The following FGF14 variants were observed in gnomAD, a reference collection of about 807,000 sequenced individuals.
FGF14 encodes fibroblast growth factor homologous factor 4.
A neutral mutation model predicts 25.5 loss-of-function variants in FGF14; 5 were observed. The ratio of observed to expected loss-of-function variants is 0.20; its 90% CI spans 0.10 to 0.41. The LOEUF (loss-of-function observed/expected upper bound fraction) is 0.41, where lower values mean the gene tolerates loss of function less well. Among genes scored for constraint, FGF14 ranks in the 10% least tolerant of loss-of-function variants. The probability of loss-of-function intolerance (pLI) is 1.00; values close to 1 mark genes in which losing one functional copy is unlikely to be tolerated. For missense variants in FGF14, 222 were observed against 320.1 expected (o/e 0.69, Z 2.34); for synonymous variants, 138 against 118.3 (o/e 1.17, Z -1.08).
At chr13:101,962,940 G>A (rs1156857834) in intron 1 of FGF14, among the ~76,000 whole-genome samples, 1 of 152,212 alleles carries the variant, frequency 6.6e-6, no homozygotes, top group Admixed American at 6.5e-5. Flanking sequence ...GGAATTGAGT[G>A]TTAACTGTTA....
intron 3 of FGF14, among the ~76,000 whole-genome samples, chr13:101,860,843 A>G (rs1353873486): frequency 1.3e-5 from 2 of 152,102 alleles, no homozygotes; most frequent in South Asian, 2.1e-4. Context: ...AATCATTTCA[A>G]TAAGTCTTAT....
At chr13:101,778,844 T>C (rs1446887573) in intron 3 of FGF14, 1 of 142,420 alleles carries the variant, frequency 7.0e-6, no homozygotes, top group Non-Finnish European at 1.5e-5. Context: ...CTGAAGCCAA[T>C]TGTTTTTGTT....
In FGF14 at chr13:101,712,317, CT is replaced by C. The variant is rs1013695939; in HGVS notation, c.*10513del. On this transcript the variant is annotated 3_prime_UTR_variant, in exon 5 of 5. Coordinates refer to ENST00000376143, the MANE Select transcript of FGF14 (RefSeq NM_004115.4). ...TTTTTTATTCTAAGTATTTCAGCGA[CT>C]AGTAGACTTTCAGAACTGGAATTTA... 2.6e-5 allele frequency: 4 copies of C among 152,146 alleles called. No homozygotes were observed. Among genetic ancestry groups the C allele is most frequent in the African/African-American group, 9.7e-5 (4 of 41,448 alleles). The allele number at this position is 152,146 out of a possible 1,614,324, so 9.4% of individuals were successfully genotyped here.
intron 1 of FGF14, among the ~76,000 whole-genome samples, chr13:101,970,154 G>A (rs2037505214): frequency 1.3e-5 from 2 of 152,210 alleles, no homozygotes; most frequent in Admixed American, 6.5e-5. Context: ...GAGGCTCAGA[G>A]AGGCTGAATA....
rs1009690736 is a variant in FGF14 at position 101,737,262 on chromosome 13, C to T, written c.409-10452G>A. 4.6e-5 allele frequency among the ~76,000 whole-genome samples: 7 copies of T among 151,768 alleles called. No individual in the cohort carries two copies. The East Asian group carries it at 1.4e-3, about 30-fold the overall frequency. ...TTAGTAATAACGGTTTTAATGGTGG[C>T]GATTATCATGGGAGTGGAGGTGAAG... On this transcript the variant is annotated intron_variant, in intron 3 of 4. Transcript: ENST00000376143.
chr13:101,837,952 G>C (rs772044917), intron 3 of FGF14, among the ~76,000 whole-genome samples: 1 of 151,890 alleles, frequency 6.6e-6, no homozygotes, highest in South Asian at 2.1e-4. Context: ...GCAGAAGAAC[G>C]TGGAGAGACT....
chr13:102,117,927 T>G (rs1272084657), intron 1 of FGF14, among the ~76,000 whole-genome samples: 1 of 152,130 alleles, frequency 6.6e-6, no homozygotes, highest in Non-Finnish European at 1.5e-5. Flanking sequence ...GGGAAAGAAA[T>G]AATTTTTTGT....
rs142014766 is a variant in FGF14 at position 102,156,036 on chromosome 13, G to C, written c.208+245435C>G. Among the ~76,000 whole-genome samples, 1,404 of 152,116 alleles carry C rather than the reference G, an allele frequency of 9.2e-3. 19 individuals carry two copies. Among genetic ancestry groups the C allele is most frequent in the African/African-American group, 0.032 (1,325 of 41,500 alleles). On this transcript the variant is annotated intron_variant, in intron 1 of 4. Transcript: ENST00000376131. ...TAATTAATAGCTTACCAATCAAAAA[G>C]AGTCCAGGACCAGATGGATTCACAG...
chr13:102,010,669 A>G (rs2040031672), intron 1 of FGF14, among the ~76,000 whole-genome samples: 1 of 152,190 alleles, frequency 6.6e-6, no homozygotes, highest in Non-Finnish European at 1.5e-5. Flanking sequence ...CTTACCGGCT[A>G]CAATACTGGG....
chr13:101,843,694 A>C (rs2043304802), intron 3 of FGF14, among the ~76,000 whole-genome samples: 1 of 152,038 alleles, frequency 6.6e-6, no homozygotes, highest in Non-Finnish European at 1.5e-5. Context: ...TAATAACTAC[A>C]TCTGCTTCAG....
chr13:102,099,188 T>C (rs1238503821), intron 1 of FGF14, among the ~76,000 whole-genome samples: 1 of 152,102 alleles, frequency 6.6e-6, no homozygotes, highest in Admixed American at 6.6e-5. Flanking sequence ...CTAAAAGTCA[T>C]AGTTTTTCAG....
chr13:102,198,533 G>GA (rs976443984), intron 1 of FGF14, among the ~76,000 whole-genome samples: 1 of 152,162 alleles, frequency 6.6e-6, no homozygotes, highest in Non-Finnish European at 1.5e-5. Context: ...GACTGAATTG[G>GA]AAAATGCAGC....
At chr13:101,892,863 G>A (rs1007931938) in intron 1 of FGF14, among the ~76,000 whole-genome samples, 10 of 152,144 alleles carry the variant, frequency 6.6e-5, no homozygotes, top group African/African-American at 2.4e-4. Flanking sequence ...CACGGAATGA[G>A]GATGGAAAAG....
chr13:101,929,220 G>A (rs942740714), intron 1 of FGF14, among the ~76,000 whole-genome samples: 7 of 152,260 alleles, frequency 4.6e-5, no homozygotes, highest in African/African-American at 1.7e-4. Context: ...CAAGAACAGT[G>A]GAAAGAGTCA....
At chr13:102,118,737 A>G (rs1456933650) in intron 1 of FGF14, among the ~76,000 whole-genome samples, 1 of 152,148 alleles carries the variant, frequency 6.6e-6, no homozygotes, top group Non-Finnish European at 1.5e-5. Flanking sequence ...CATATTAAAT[A>G]CATACAATTT....
At chr13:102,097,815 G>C (rs1020554046) in intron 1 of FGF14, among the ~76,000 whole-genome samples, 1 of 152,228 alleles carries the variant, frequency 6.6e-6, no homozygotes, top group Non-Finnish European at 1.5e-5. Context: ...AAACAGAGCA[G>C]AGACGATCAG....
intron 1 of FGF14, among the ~76,000 whole-genome samples, chr13:102,148,943 G>C (rs1172779187): frequency 6.6e-6 from 1 of 152,172 alleles, no homozygotes; most frequent in Admixed American, 6.5e-5. Flanking sequence ...TACAATGTGT[G>C]CTGCAGTGCC....
At position 102,192,733 on chromosome 13, in the gene FGF14, T is replaced by C. The variant is rs77897985; in HGVS notation, c.208+208738A>G. On this transcript the variant is annotated intron_variant, in intron 1 of 4. Coordinates refer to the FGF14 transcript ENST00000376131. ...AACACTAGAACATGGTTAATCCAAG[T>C]GCTATGTCACTTTATAAAAGGATCA... Among the ~76,000 whole-genome samples, 49 of 152,310 alleles carry C rather than the reference T, an allele frequency of 3.2e-4. 1 individual carries two copies. The highest frequency in any genetic ancestry group is 1.1e-3 in the African/African-American group (47 of 41,582).
chr13:101,937,248 G>A (rs1051501209), intron 1 of FGF14, among the ~76,000 whole-genome samples: 10 of 152,200 alleles, frequency 6.6e-5, no homozygotes, highest in African/African-American at 2.4e-4. Flanking sequence ...TGACATGGAA[G>A]CTAATTGTTA....
Sources: allele counts gnomAD v4.1 joint callset (sites outside exome capture counted in the v4.1 genomes callset), GRCh38; gene constraint gnomAD v4.1.1; transcripts MANE v1.5; gene names NCBI Gene and HGNC (gene_info 2026-07-23, HGNC 2026-07-21).